PASD1: variants seen among roughly 807,000 people sequenced by gnomAD.
PASD1 encodes the protein circadian clock protein PASD1.
A neutral mutation model predicts 58.8 loss-of-function variants in PASD1; 13 were observed. That is an observed-to-expected ratio of 0.22 (90% CI 0.14 to 0.35). The LOEUF (loss-of-function observed/expected upper bound fraction) is 0.35. Ranked by LOEUF, PASD1 falls within the 10% of genes least tolerant of loss-of-function variation. PASD1 has a pLI of 1.00. For missense variants in PASD1, 734 were observed against 568.3 expected (o/e 1.29, Z -2.96); for synonymous variants, 236 against 216.7 (o/e 1.09, Z -0.78).
chrX:151,626,530 A>G (rs2013790268), intron 8 of PASD1, among the ~76,000 whole-genome samples: 1 of 111,806 alleles, frequency 8.9e-6, no homozygotes, highest in African/African-American at 3.3e-5. Context: ...GCACATTTGT[A>G]TGTAGTAAGC....
intron 1 of PASD1, among the ~76,000 whole-genome samples, chrX:151,574,211 G>T (rs1453234824): frequency 8.9e-6 from 1 of 112,393 alleles, no homozygotes; most frequent in African/African-American, 3.2e-5. Context: ...TGCCAACTGT[G>T]GGCACCTAGC....
At chrX:151,576,026 A>ATTT (rs5904322) in intron 1 of PASD1, among the ~76,000 whole-genome samples, 6,967 of 94,879 alleles carry the variant, frequency 0.073, 256 homozygotes, top group African/African-American at 0.096. Context: ...ACCATACCTA[A>ATTT]TTTTTTTTTT....
chrX:151,652,239 G>T (rs1250788940), intron 9 of PASD1, among the ~76,000 whole-genome samples: 2 of 111,562 alleles, frequency 1.8e-5, no homozygotes, highest in African/African-American at 6.5e-5. Context: ...TGATTAGAAG[G>T]TGACAAGACT....
At chrX:151,653,792 T>TTC (rs2014179002) in intron 9 of PASD1, among the ~76,000 whole-genome samples, 1 of 18,816 alleles carries the variant, frequency 5.3e-5, no homozygotes, top group Non-Finnish European at 1.2e-4. Flanking sequence ...CTTTCTTTCT[T>TTC]TCTTTCTTTC....
At chrX:151,614,437 C>T (rs1365553384) in intron 4 of PASD1, among the ~76,000 whole-genome samples, 2 of 111,736 alleles carry the variant, frequency 1.8e-5, no homozygotes, top group Non-Finnish European at 3.8e-5. Flanking sequence ...CCTTCATATT[C>T]CACTTATACG....
At position 151,662,626 on chromosome X, in the gene PASD1, CCAA is replaced by C. The variant is rs752946088; in HGVS notation, c.842-1475_842-1473del. Among the ~76,000 whole-genome samples, 1,014 of 110,911 alleles carry C rather than the reference CCAA, an allele frequency of 9.1e-3. 4 individuals carry two copies. The highest frequency in any genetic ancestry group is 0.019 in the South Asian group (50 of 2,628). On this transcript the variant is annotated intron_variant, in intron 10 of 15. Coordinates refer to ENST00000370357, the MANE Select transcript of PASD1 (RefSeq NM_173493.3). The stretch of plus-strand genomic sequence containing the variant: ...CTGTATTTATTTCAGCATGTAACAA[CCAA>C]CAACAACAACAACAACAGGAGTTCA...
At chrX:151,594,468 T>A (rs2013291239) in intron 1 of PASD1, among the ~76,000 whole-genome samples, 1 of 111,723 alleles carries the variant, frequency 9.0e-6, no homozygotes, top group East Asian at 2.8e-4. Flanking sequence ...TTATTTGTTG[T>A]CTAGGCAGTT....
At chrX:151,580,845 C>T (rs1427162324) in intron 1 of PASD1, among the ~76,000 whole-genome samples, 2 of 110,985 alleles carry the variant, frequency 1.8e-5, no homozygotes, top group African/African-American at 3.3e-5. Flanking sequence ...TAATGTCTTT[C>T]ACATTTTTCA....
At chrX:151,583,844 A>T (rs181885719) in intron 1 of PASD1, among the ~76,000 whole-genome samples, 100 of 111,936 alleles carry the variant, frequency 8.9e-4, no homozygotes, top group African/African-American at 3.0e-3. Context: ...AGGTGCTTTC[A>T]TGTGTCCCAG....
At chrX:151,590,000 C>T (rs769016312) in intron 1 of PASD1, among the ~76,000 whole-genome samples, 3 of 111,872 alleles carry the variant, frequency 2.7e-5, no homozygotes, top group South Asian at 3.7e-4. Context: ...TACAGATTCT[C>T]TGAAAACATG....
At chrX:151,673,509 A>C (rs1371542354) in intron 14 of PASD1, 1 of 159,897 alleles carries the variant, frequency 6.3e-6, no homozygotes, top group Non-Finnish European at 1.2e-5. Context: ...ATGGGGTTCA[A>C]AAATCTGTAT....
chrX:151,602,211 AGAACTCTT>A (rs1437493453), intron 2 of PASD1, among the ~76,000 whole-genome samples: 1 of 111,982 alleles, frequency 8.9e-6, no homozygotes, highest in Non-Finnish European at 1.9e-5. Flanking sequence ...GATGTGCAAT[AGAACTCTT>A]GAACTTACTC....
intron 3 of PASD1, among the ~76,000 whole-genome samples, chrX:151,605,096 C>A (rs944720923): frequency 2.7e-5 from 3 of 111,752 alleles, no homozygotes; most frequent in Non-Finnish European, 5.6e-5. Flanking sequence ...TTTCTCCCCC[C>A]TCAAGAATGT....
intron 1 of PASD1, among the ~76,000 whole-genome samples, chrX:151,596,401 CAA>C (rs1358660430): frequency 8.9e-6 from 1 of 111,758 alleles, no homozygotes; most frequent in Non-Finnish European, 1.9e-5. Flanking sequence ...AATCCTGTAT[CAA>C]GAGAGTGAGA....
Position 151,629,070 on chromosome X carries a change from A to G in PASD1, c.629+3540A>G, listed in dbSNP as rs1019889866. Reference sequence around the variant, plus strand: ...TCCTGAGACTTTGCTGAAGTTGCCTATCAGCTTAAGGAGATTTTGGGCTGA... The same window carrying G: ...TCCTGAGACTTTGCTGAAGTTGCCTGTCAGCTTAAGGAGATTTTGGGCTGA... On this transcript the variant is annotated intron_variant, in intron 8 of 15. Transcript: ENST00000370357. Among the ~76,000 whole-genome samples, 3 of 111,786 alleles carry G rather than the reference A, an allele frequency of 2.7e-5. No homozygotes were observed. In the East Asian group the frequency reaches 8.5e-4, roughly 32 times the overall value.
intron 9 of PASD1, among the ~76,000 whole-genome samples, chrX:151,656,003 A>C (rs1328942407): frequency 2.7e-5 from 3 of 111,937 alleles, no homozygotes; most frequent in East Asian, 5.6e-4. Context: ...ACGTTTAAGT[A>C]TTTGATCCAT....
At chrX:151,580,105 T>C (rs1397415386) in intron 1 of PASD1, among the ~76,000 whole-genome samples, 1 of 112,164 alleles carries the variant, frequency 8.9e-6, no homozygotes, top group Non-Finnish European at 1.9e-5. Flanking sequence ...TCTGTGCTCT[T>C]CATTTTTATT....
intron 3 of PASD1, 62 bp from the exon 4 acceptor site, chrX:151,611,602 A>G (rs951617697): frequency 1.2e-6 from 1 of 843,747 alleles, no homozygotes; most frequent in Admixed American, 2.8e-5. Flanking sequence ...GCATTTAGCA[A>G]TAAAACTATC....
intron 1 of PASD1, among the ~76,000 whole-genome samples, chrX:151,578,033 T>C (rs980742140): frequency 1.8e-5 from 2 of 112,043 alleles, no homozygotes; most frequent in African/African-American, 6.5e-5. Flanking sequence ...TCAATATTTG[T>C]TAGGCTTTCA....
Sources: allele counts gnomAD v4.1 joint callset (sites outside exome capture counted in the v4.1 genomes callset), GRCh38; gene constraint gnomAD v4.1.1; transcripts MANE v1.5; gene names NCBI Gene and HGNC (gene_info 2026-07-23, HGNC 2026-07-21).